The following MET variants were observed in gnomAD, a reference collection of about 807,000 sequenced individuals.
The protein encoded by MET is hepatocyte growth factor receptor.
MET carries 48 observed loss-of-function variants against 133.1 expected under a neutral mutation model. The observed-to-expected ratio is 0.36, with a 90% CI of 0.29 to 0.46. MET has a LOEUF of 0.46. MET is among the 20% of genes least tolerant of loss of function. The pLI is 1.00. For synonymous variants in MET, 628 were observed against 616.5 expected (o/e 1.02, Z -0.28); for missense variants, 1,442 against 1,695.9 (o/e 0.85, Z 2.63).
chr7:116,697,943 C>A (rs2237711), intron 1 of MET, among the ~76,000 whole-genome samples: 10,895 of 152,230 alleles, frequency 0.072, 449 homozygotes, highest in East Asian at 0.11. Flanking sequence ...TTTCTCATAG[C>A]GCAAGCACAG....
chr7:116,713,124 G>A (rs762997935), intron 2 of MET, among the ~76,000 whole-genome samples: 7 of 152,266 alleles, frequency 4.6e-5, no homozygotes, highest in South Asian at 2.1e-4. Flanking sequence ...GGCCGGGCGC[G>A]GTGGCTCACG....
rs1462370046 is a variant in MET, at chr7:116,795,638, G to A, written c.3799-17G>A. On this transcript the variant is annotated splice_polypyrimidine_tract_variant and intron_variant, in intron 19 of 20. Coordinates refer to ENST00000397752, the MANE Select transcript of MET (RefSeq NM_000245.4). Reference sequence around the variant, plus strand: ...TCACATCTCTCACCTCATCTGTCCTGTTTCTTGTTTTACTAGTGGTCCTTT... The same window carrying A: ...TCACATCTCTCACCTCATCTGTCCTATTTCTTGTTTTACTAGTGGTCCTTT... 1 of 1,613,332 alleles carries A rather than the reference G, an allele frequency of 6.2e-7. No homozygotes were observed. Among genetic ancestry groups the A allele is most frequent in the Non-Finnish European group, 8.5e-7 (1 of 1,179,956 alleles).
chr7:116,700,545 AAAGTT>A (rs1228709099), intron 2 of MET, among the ~76,000 whole-genome samples: 1 of 152,236 alleles, frequency 6.6e-6, no homozygotes, highest in Admixed American at 6.5e-5. Context: ...AGATTATATT[AAAGTT>A]ATTTCCCATA....
At chr7:116,684,089 A>T (rs1293710243) in intron 1 of MET, among the ~76,000 whole-genome samples, 1 of 152,158 alleles carries the variant, frequency 6.6e-6, no homozygotes, top group Admixed American at 6.5e-5. Flanking sequence ...AGGGTTATTA[A>T]CTCAACTAAT....
At chr7:116,755,684 A>G (rs895989726) in intron 6 of MET, among the ~76,000 whole-genome samples, 169 bp downstream of exon 6, 1 of 152,120 alleles carries the variant, frequency 6.6e-6, no homozygotes, top group African/African-American at 2.4e-5. Context: ...AATCCCATTT[A>G]CTCATTGGAT....
chr7:116,757,781 T>C lies in MET; in HGVS notation c.2102+7T>C, dbSNP rs1584941903. On this transcript the variant is annotated splice_region_variant and intron_variant, in intron 8 of 20. Coordinates refer to ENST00000397752, the MANE Select transcript of MET (RefSeq NM_000245.4). ...AAACATGTACTTTAAAAAGGTGTTG[T>C]AAATTTATTTTTTGTTGCATCTGTC... The C allele has an allele frequency of 6.8e-6, 11 of 1,613,352 alleles. No individual in the cohort carries two copies. Among genetic ancestry groups the C allele is most frequent in the Admixed American group, 3.3e-5 (2 of 59,976 alleles).
At chr7:116,743,099 G>A (rs1793526506) in intron 5 of MET, among the ~76,000 whole-genome samples, 1 of 152,234 alleles carries the variant, frequency 6.6e-6, no homozygotes, top group Non-Finnish European at 1.5e-5. Flanking sequence ...CTGAAGCAAG[G>A]TGGGATGTTG....
intron 1 of MET, among the ~76,000 whole-genome samples, chr7:116,685,329 C>A (rs1796511761): frequency 1.3e-5 from 2 of 152,188 alleles, no homozygotes. Context: ...TTCTCCTTAA[C>A]CCCGGGACTC....
chr7:116,745,698 A>G (rs1793645834), intron 5 of MET, among the ~76,000 whole-genome samples: 1 of 152,222 alleles, frequency 6.6e-6, no homozygotes, highest in Non-Finnish European at 1.5e-5. Flanking sequence ...TCTATTTAAC[A>G]AATGGTGCTG....
Position 116,781,853 on chromosome 7 carries a change from C to G in MET, c.3523-135C>G, listed in dbSNP as rs1310363757. On this transcript the variant is annotated intron_variant, in intron 17 of 20. Transcript: ENST00000397752. The stretch of plus-strand genomic sequence containing the variant: ...TTGGCCTCTCAAAGTTCTGGGATTA[C>G]AGGCTTGAGCCATTAAGACCAAACT... The G allele has an allele frequency of 4.4e-6, 3 of 674,974 alleles. No individual in the cohort carries two copies. The East Asian group carries it at 8.4e-5, about 19-fold the overall frequency. 41.8% of individuals were successfully genotyped at this position (674,974 alleles called of 1,614,324 possible). A position where few individuals can be genotyped will look rare whatever the true frequency, so the allele number is the denominator to read the frequency against.
intron 3 of MET, among the ~76,000 whole-genome samples, chr7:116,734,229 T>C (rs1432477966): frequency 6.6e-6 from 1 of 152,188 alleles, no homozygotes; most frequent in Non-Finnish European, 1.5e-5. Context: ...TGGACATTTT[T>C]TTTCCCCCCA....
chr7:116,674,063 G>A (rs1796068274), intron 1 of MET, among the ~76,000 whole-genome samples: 1 of 152,166 alleles, frequency 6.6e-6, no homozygotes. Flanking sequence ...TGGTGTATAA[G>A]CTATAGTTAT....
At chr7:116,723,970 A>G (rs1017848093) in intron 2 of MET, among the ~76,000 whole-genome samples, 2 of 152,224 alleles carry the variant, frequency 1.3e-5, no homozygotes, top group Admixed American at 1.3e-4. Flanking sequence ...GGTGGAGCCT[A>G]CAGAGGCAGG....
chr7:116,793,948 C>G (rs1454400050), intron 19 of MET, among the ~76,000 whole-genome samples: 2 of 151,558 alleles, frequency 1.3e-5, no homozygotes, highest in Non-Finnish European at 2.9e-5. Context: ...TACTCCTGGC[C>G]CCACCCCCTC....
chr7:116,778,060 G>A (rs1466797520), intron 16 of MET, among the ~76,000 whole-genome samples: 1 of 152,138 alleles, frequency 6.6e-6, no homozygotes, highest in East Asian at 1.9e-4. Context: ...AGCTGTTATT[G>A]AGAAAATCTT....
chr7:116,785,296 C>T (rs548974533), intron 19 of MET, among the ~76,000 whole-genome samples: 1 of 152,308 alleles, frequency 6.6e-6, no homozygotes, highest in African/African-American at 2.4e-5. Context: ...CCTCTTCTCA[C>T]AGCCCCACCT....
chr7:116,755,041 A>AAAGAAAGAAAGAAAAG (rs879471092), intron 5 of MET, among the ~76,000 whole-genome samples: 1 of 37,346 alleles, frequency 2.7e-5, no homozygotes, highest in Non-Finnish European at 6.5e-5. Flanking sequence ...AGAAAGAAAG[A>AAAGAAAGAAAGAAAAG]AAAGAAAGAA....
chr7:116,728,801 C>G (rs1792888352), intron 2 of MET, among the ~76,000 whole-genome samples: 2 of 152,290 alleles, frequency 1.3e-5, no homozygotes, highest in African/African-American at 4.8e-5. Flanking sequence ...TGGTCAAAGA[C>G]TCTCATTCAC....
intron 2 of MET, among the ~76,000 whole-genome samples, chr7:116,725,387 A>G (rs936339140): frequency 6.6e-6 from 1 of 151,840 alleles, no homozygotes; most frequent in African/African-American, 2.4e-5. Context: ...TGGGGTGGGG[A>G]AAATTCTTAA....
Sources: allele counts gnomAD v4.1 joint callset (sites outside exome capture counted in the v4.1 genomes callset), GRCh38; gene constraint gnomAD v4.1.1; transcripts MANE v1.5; gene names NCBI Gene and HGNC (gene_info 2026-07-23, HGNC 2026-07-21).